PRKN: variants seen among roughly 807,000 people sequenced by gnomAD.
PRKN encodes the protein parkin RBR E3 ubiquitin protein ligase.
In PRKN, 56 loss-of-function variants were observed where a neutral mutation model predicts 59.5. The ratio of observed to expected loss-of-function variants is 0.94; its 90% CI spans 0.76 to 1.18. The LOEUF is 1.18. Among genes scored for constraint, PRKN ranks in the 50% most tolerant of loss-of-function variants. The probability of loss-of-function intolerance (pLI) is 0.00; values close to 1 mark genes in which losing one functional copy is unlikely to be tolerated. For synonymous variants in PRKN, 250 were observed against 222.1 expected (o/e 1.13, Z -1.12); for missense variants, 657 against 596.4 (o/e 1.10, Z -1.06).
At chr6:162,431,451 C>A (rs1221260797) in intron 2 of PRKN, among the ~76,000 whole-genome samples, 2 of 152,006 alleles carry the variant, frequency 1.3e-5, no homozygotes, top group Admixed American at 1.3e-4. Flanking sequence ...GGTCAGGAGG[C>A]TGAGGCAGGA....
At chr6:162,454,586 G>A (rs1790775703) in intron 1 of PRKN, among the ~76,000 whole-genome samples, 1 of 152,216 alleles carries the variant, frequency 6.6e-6, no homozygotes, top group Admixed American at 6.5e-5. Flanking sequence ...TCCCTCCTCT[G>A]TGTCAGTGGC....
At chr6:161,902,548 A>ATCTATCTATCTATCTATCTATCTT (rs1562378405) in intron 6 of PRKN, among the ~76,000 whole-genome samples, 2 of 60,222 alleles carry the variant, frequency 3.3e-5, no homozygotes, top group African/African-American at 4.6e-5. Flanking sequence ...CTATCTATCT[A>ATCTATCTATCTATCTATCTATCTT]TTTATTTATT....
chr6:161,951,016 T>G (rs1396290167), intron 6 of PRKN, among the ~76,000 whole-genome samples: 2 of 144,718 alleles, frequency 1.4e-5, no homozygotes, highest in Non-Finnish European at 3.0e-5. Context: ...TAAATTATAA[T>G]TTTTTTTTAC....
chr6:162,424,189 C>T lies in PRKN; in HGVS notation c.171+19121G>A, dbSNP rs147669952. On this transcript the variant is annotated intron_variant, in intron 2 of 11. Transcript: ENST00000366898. ...CTTTATGATTCTATCTATAGGACAT[C>T]CTGGAAAAGGCACAGCTATAAAAAG... 2.7e-3 allele frequency among the ~76,000 whole-genome samples: 413 copies of T among 152,190 alleles called. 6 individuals carry two copies. The highest frequency in any genetic ancestry group is 0.024 in the South Asian group (116 of 4,810).
chr6:161,639,218 A>G (rs1783646638), intron 7 of PRKN, among the ~76,000 whole-genome samples: 2 of 152,166 alleles, frequency 1.3e-5, no homozygotes, highest in South Asian at 4.1e-4. Context: ...TCTCAGGTAC[A>G]ACTTTATTAG....
intron 7 of PRKN, among the ~76,000 whole-genome samples, chr6:161,644,386 T>A (rs1236642646): frequency 6.6e-6 from 1 of 152,094 alleles, no homozygotes; most frequent in African/African-American, 2.4e-5. Context: ...TGTGAGAGAG[T>A]TGCATATTAG....
intron 4 of PRKN, among the ~76,000 whole-genome samples, chr6:162,172,814 A>AGCCAATGGGT (rs1398877642): frequency 6.6e-6 from 1 of 152,208 alleles, no homozygotes; most frequent in African/African-American, 2.4e-5. Context: ...GAGGCATACC[A>AGCCAATGGGT]GCCAATGGGT....
rs1328523324 is a variant in PRKN, at chr6:161,547,488, C to T, written c.1083+1366G>A. 6.6e-6 allele frequency among the ~76,000 whole-genome samples: 1 copy of T among 152,138 alleles called. No individual in the cohort carries two copies. Among genetic ancestry groups the T allele is most frequent in the African/African-American group, 2.4e-5 (1 of 41,444 alleles). On this transcript the variant is annotated intron_variant, in intron 9 of 11. Transcript: ENST00000366898. This position sits in a 1 kb window ranked among gnomAD's most constrained non-coding sequence, Gnocchi z 4.0. The stretch of plus-strand genomic sequence containing the variant: ...TTAAAGCAAGGTCAACAACCAAATG[C>T]AAAAGATGGGCCAGCAAAAGTCTCT...
At chr6:161,702,578 T>C (rs897750641) in intron 7 of PRKN, among the ~76,000 whole-genome samples, 7 of 152,054 alleles carry the variant, frequency 4.6e-5, no homozygotes, top group Non-Finnish European at 8.8e-5. Flanking sequence ...TAATGGGTAC[T>C]GAGTGTCAGT....
chr6:162,282,219 A>G (rs1244829251), intron 2 of PRKN, among the ~76,000 whole-genome samples: 2 of 152,152 alleles, frequency 1.3e-5, no homozygotes, highest in Non-Finnish European at 2.9e-5. Flanking sequence ...GGATGTTCTA[A>G]TTTACTATGG....
chr6:162,223,166 T>G (rs1778010477), intron 3 of PRKN, among the ~76,000 whole-genome samples: 1 of 152,052 alleles, frequency 6.6e-6, no homozygotes, highest in African/African-American at 2.4e-5. Flanking sequence ...ATTTCATACA[T>G]GTCCCTACAA....
chr6:162,174,987 G>A (rs541693605), intron 4 of PRKN, among the ~76,000 whole-genome samples: 6 of 152,306 alleles, frequency 3.9e-5, no homozygotes, highest in African/African-American at 1.4e-4. Context: ...ACAGCCTACC[G>A]AGGTGTCTTT....
At chr6:161,757,518 G>A (rs1158266515) in intron 7 of PRKN, among the ~76,000 whole-genome samples, 1 of 152,040 alleles carries the variant, frequency 6.6e-6, no homozygotes, top group Non-Finnish European at 1.5e-5. Context: ...ACCAAAGAAA[G>A]TAAGAGAATG....
chr6:162,086,945 C>T (rs1010703767), intron 4 of PRKN, among the ~76,000 whole-genome samples: 14 of 152,102 alleles, frequency 9.2e-5, no homozygotes, highest in Admixed American at 2.0e-4. Flanking sequence ...GAAATTCAAG[C>T]GTAAATTGAG....
chr6:161,614,206 T>G (rs1331773808), intron 7 of PRKN, among the ~76,000 whole-genome samples: 1 of 152,160 alleles, frequency 6.6e-6, no homozygotes, highest in Non-Finnish European at 1.5e-5. Flanking sequence ...GCCTCCCTAT[T>G]TGAGGTCTGT....
At chr6:161,833,732 A>C (rs1340647622) in intron 6 of PRKN, among the ~76,000 whole-genome samples, 1 of 152,108 alleles carries the variant, frequency 6.6e-6, no homozygotes, top group Non-Finnish European at 1.5e-5. Context: ...TGGATAAGTA[A>C]GTTGTTGTGT....
intron 2 of PRKN, chr6:162,265,077 C>T (rs1201566946): frequency 6.6e-6 from 1 of 152,174 alleles, no homozygotes; most frequent in African/African-American, 2.4e-5. Context: ...GCTACATAAT[C>T]TTTCTAAAGT....
Position 161,473,411 on chromosome 6 carries a change from T to G in PRKN, c.1083+75443A>C, listed in dbSNP as rs1173187641. 6.6e-6 allele frequency among the ~76,000 whole-genome samples: 1 copy of G among 151,474 alleles called. No individual in the cohort carries two copies. The highest frequency in any genetic ancestry group is 1.5e-5 in the Non-Finnish European group (1 of 67,884). Reference sequence around the variant, plus strand: ...ATATTATCAAGCCTTAAAAAGGAGATTCTACTATTTTTGGCAACATGTATT... The same window carrying G: ...ATATTATCAAGCCTTAAAAAGGAGAGTCTACTATTTTTGGCAACATGTATT... On this transcript the variant is annotated intron_variant, in intron 9 of 11. Coordinates refer to ENST00000366898, the MANE Select transcript of PRKN (RefSeq NM_004562.3). The surrounding 1 kb of genome is among the most constrained non-coding windows in gnomAD (Gnocchi z 4.1).
At chr6:162,198,881 C>T (rs1263151120) in intron 4 of PRKN, among the ~76,000 whole-genome samples, 11 of 152,136 alleles carry the variant, frequency 7.2e-5, no homozygotes, top group Admixed American at 7.2e-4. Context: ...TCTATTTTGG[C>T]TTGTTATGTT....
Sources: gnomAD v4.1 joint callset for allele counts (sites outside exome capture counted in the v4.1 genomes callset) on GRCh38, gnomAD v4.1.1 for gene constraint, Gnocchi (gnomAD v3.1) non-coding constraint, MANE v1.5 for transcripts, NCBI Gene and HGNC (gene_info 2026-07-23, HGNC 2026-07-21) for gene names.